DPP10: variants seen among roughly 807,000 people sequenced by gnomAD.
The protein encoded by DPP10 is inactive dipeptidyl peptidase 10.
In DPP10, 33 loss-of-function variants were observed where a neutral mutation model predicts 120.9. The observed-to-expected ratio is 0.27, with a 90% confidence interval of 0.21 to 0.37. The LOEUF (loss-of-function observed/expected upper bound fraction) is 0.37. Ranked by LOEUF, DPP10 falls within the 10% of genes least tolerant of loss-of-function variation. The pLI is 1.00. For missense variants in DPP10, 816 were observed against 942.8 expected (o/e 0.87, Z 1.76); for synonymous variants, 337 against 326.1 (o/e 1.03, Z -0.36).
At chr2:114,824,044 A>C (rs1259527892) in intron 1 of DPP10, among the ~76,000 whole-genome samples, 1 of 152,220 alleles carries the variant, frequency 6.6e-6, no homozygotes, top group Non-Finnish European at 1.5e-5. Context: ...TTCTTTCAAA[A>C]CAGAGTACCA....
intron 1 of DPP10, among the ~76,000 whole-genome samples, chr2:115,180,783 G>A (rs1186511069): frequency 6.6e-6 from 1 of 152,026 alleles, no homozygotes; most frequent in African/African-American, 2.4e-5. Flanking sequence ...GGTGGGAGTG[G>A]GCATGAAAAA....
At chr2:115,063,020 G>A (rs370255127) in intron 1 of DPP10, among the ~76,000 whole-genome samples, 73 of 152,202 alleles carry the variant, frequency 4.8e-4, no homozygotes, top group African/African-American at 1.5e-3. Flanking sequence ...CTGTAAAAGC[G>A]TTCCTATTGG....
Position 114,462,748 on chromosome 2 carries a change from C to T in DPP10, c.60+19910C>T, listed in dbSNP as rs930273010. On this transcript the variant is annotated intron_variant, in intron 1 of 25. Coordinates refer to ENST00000410059, the MANE Select transcript of DPP10 (RefSeq NM_020868.6). ...ACTCTCTGGCAGCAATAGTTGGCACCGCCTACCCTTACGTGGTGGGGAATT... is the reference window on the plus strand; with the variant it reads ...ACTCTCTGGCAGCAATAGTTGGCACTGCCTACCCTTACGTGGTGGGGAATT... Among the ~76,000 whole-genome samples, 9 of 152,130 alleles carry T rather than the reference C, an allele frequency of 5.9e-5. No individual in the cohort carries two copies. In the South Asian group the frequency reaches 8.3e-4, roughly 14 times the overall value.
chr2:114,975,028 T>C (rs901484854), intron 1 of DPP10, among the ~76,000 whole-genome samples: 12 of 151,696 alleles, frequency 7.9e-5, no homozygotes, highest in Non-Finnish European at 1.5e-4. Flanking sequence ...TAGAAAAATA[T>C]CTAGAAGGAT....
intron 1 of DPP10, among the ~76,000 whole-genome samples, chr2:114,659,391 G>A (rs1330781647): frequency 6.6e-6 from 1 of 151,996 alleles, no homozygotes; most frequent in African/African-American, 2.4e-5. Context: ...CCACCTCACT[G>A]GGGACTATTG....
intron 3 of DPP10, among the ~76,000 whole-genome samples, chr2:115,360,607 C>A (rs1270584826): frequency 1.3e-5 from 2 of 152,178 alleles, no homozygotes; most frequent in Admixed American, 6.5e-5. Context: ...GGATGACTCT[C>A]TCACCAAGTT....
intron 1 of DPP10, among the ~76,000 whole-genome samples, chr2:114,637,516 T>C (rs1695385003): frequency 6.6e-6 from 1 of 151,892 alleles, no homozygotes; most frequent in Non-Finnish European, 1.5e-5. Context: ...GTTTTTGTTT[T>C]TGTTTCAGTT....
intron 19 of DPP10, among the ~76,000 whole-genome samples, chr2:115,797,093 A>G (rs1684622545): frequency 6.6e-6 from 1 of 152,100 alleles, no homozygotes; most frequent in South Asian, 2.1e-4. Flanking sequence ...TGAACAGTTT[A>G]TAATAGTTTC....
chr2:115,532,901 A>G (rs1442624217), intron 5 of DPP10, among the ~76,000 whole-genome samples: 4 of 151,922 alleles, frequency 2.6e-5, no homozygotes, highest in African/African-American at 7.2e-5. Context: ...TATATTATCC[A>G]TATATATTTG....
intron 1 of DPP10, among the ~76,000 whole-genome samples, chr2:115,060,050 G>T (rs1459509922): frequency 2.0e-5 from 3 of 151,860 alleles, no homozygotes; most frequent in East Asian, 1.9e-4. Flanking sequence ...ATTATTTAAA[G>T]CTCCCTCTCT....
intron 5 of DPP10, among the ~76,000 whole-genome samples, chr2:115,665,616 CTTTATTCA>C (rs2089389441): frequency 6.6e-6 from 1 of 152,104 alleles, no homozygotes; most frequent in Admixed American, 6.6e-5. Flanking sequence ...TTCTCTATTC[CTTTATTCA>C]TTTTATGTAT....
At position 115,458,736 on chromosome 2, in the gene DPP10, G is replaced by A. The variant is rs147990342; in HGVS notation, c.272-40774G>A. On this transcript the variant is annotated intron_variant, in intron 3 of 25. Transcript: ENST00000410059. Reference sequence around the variant, plus strand: ...AAATAAACTCTGATATAGAGGACTAGAAAGAAAAATGACTTTTTAAAAATA... The same window carrying A: ...AAATAAACTCTGATATAGAGGACTAAAAAGAAAAATGACTTTTTAAAAATA... Among the ~76,000 whole-genome samples the A allele has an allele frequency of 2.0e-3, 298 of 152,208 alleles. 3 individuals are homozygous for A. Among genetic ancestry groups the A allele is most frequent in the African/African-American group, 7.0e-3 (291 of 41,546 alleles).
intron 5 of DPP10, among the ~76,000 whole-genome samples, chr2:115,647,102 G>A (rs1189987371): frequency 6.6e-6 from 1 of 152,104 alleles, no homozygotes; most frequent in African/African-American, 2.4e-5. Context: ...ATTCCTATGG[G>A]CTCCAGATGC....
chr2:115,558,880 A>C (rs776168617), intron 5 of DPP10, among the ~76,000 whole-genome samples: 2 of 152,168 alleles, frequency 1.3e-5, no homozygotes, highest in African/African-American at 4.8e-5. Context: ...AGTAGGTGCC[A>C]TTATCTACTT....
intron 5 of DPP10, among the ~76,000 whole-genome samples, chr2:115,680,154 T>C (rs1025278784): frequency 2.0e-5 from 3 of 151,990 alleles, no homozygotes; most frequent in Non-Finnish European, 4.4e-5. Context: ...TAAAATTTTC[T>C]AAATGACAAG....
At chr2:115,009,022 G>C (rs528638941) in intron 1 of DPP10, among the ~76,000 whole-genome samples, 2 of 60,480 alleles carry the variant, frequency 3.3e-5, no homozygotes, top group South Asian at 6.8e-4. Context: ...TCAGTGTGGC[G>C]ATTCCTCAGG....
intron 3 of DPP10, among the ~76,000 whole-genome samples, chr2:115,453,780 T>C (rs2073311391): frequency 6.6e-6 from 1 of 151,248 alleles, no homozygotes; most frequent in East Asian, 1.9e-4. Flanking sequence ...AAGAAAATAA[T>C]AAAGATTAAG....
At chr2:115,682,424 GA>G in intron 5 of DPP10, among the ~76,000 whole-genome samples, 1 of 151,892 alleles carries the variant, frequency 6.6e-6, no homozygotes, top group South Asian at 2.1e-4. Context: ...ATCAATTACT[GA>G]AAAATGGAAC....
chr2:114,651,507 G>T (rs1413754400), intron 1 of DPP10, among the ~76,000 whole-genome samples: 1 of 152,088 alleles, frequency 6.6e-6, no homozygotes, highest in Non-Finnish European at 1.5e-5. Context: ...CTCAGATGGA[G>T]CCCAAGAATT....
Sources: gnomAD v4.1 joint callset for allele counts (sites outside exome capture counted in the v4.1 genomes callset) on GRCh38, gnomAD v4.1.1 for gene constraint, MANE v1.5 for transcripts, NCBI Gene and HGNC (gene_info 2026-07-23, HGNC 2026-07-21) for gene names.